ELOVL6: variants seen among roughly 807,000 people sequenced by gnomAD.
The protein encoded by ELOVL6 is very long chain fatty acid elongase 6.
In ELOVL6, 8 loss-of-function variants were observed where a neutral mutation model predicts 31.7. That is an observed-to-expected ratio of 0.25 (90% confidence interval 0.15 to 0.45). The LOEUF is 0.45. Among genes scored for constraint, ELOVL6 ranks in the 20% least tolerant of loss-of-function variants. The pLI, the probability that ELOVL6 is intolerant of heterozygous loss-of-function variation, is 1.00. For missense variants in ELOVL6, 126 were observed against 326.4 expected (o/e 0.39, Z 4.73); for synonymous variants, 101 against 117.7 (o/e 0.86, Z 0.92).
At chr4:110,156,184 T>C (rs1315232854) in intron 1 of ELOVL6, among the ~76,000 whole-genome samples, 1 of 152,146 alleles carries the variant, frequency 6.6e-6, no homozygotes. Flanking sequence ...GCCTGCCACA[T>C]TTAGTAGAAT....
intron 1 of ELOVL6, among the ~76,000 whole-genome samples, chr4:110,196,346 T>A (rs1050414891): frequency 2.0e-5 from 3 of 152,096 alleles, no homozygotes; most frequent in African/African-American, 4.8e-5. Flanking sequence ...CTGGAGGATA[T>A]GACAAACATG....
intron 1 of ELOVL6, among the ~76,000 whole-genome samples, chr4:110,189,699 T>G (rs1249076616): frequency 2.6e-5 from 4 of 151,486 alleles, no homozygotes; most frequent in Non-Finnish European, 5.9e-5. Context: ...CTTGGCGCAG[T>G]GGCTCACACC....
rs146937391 is a variant in ELOVL6 at position 110,101,219 on chromosome 4, T to C, written c.221+4278A>G. Among the ~76,000 whole-genome samples the C allele has an allele frequency of 1.7e-3, 259 of 152,296 alleles. 1 individual carries two copies. The highest frequency in any genetic ancestry group is 6.0e-3 in the African/African-American group (250 of 41,550). Reference sequence around the variant, plus strand: ...CATGCCTGGCTAATTTTTGTAATTTTAGTAGAGACAGAGTTTCACCACGTT... The same window carrying C: ...CATGCCTGGCTAATTTTTGTAATTTCAGTAGAGACAGAGTTTCACCACGTT... On this transcript the variant is annotated intron_variant, in intron 2 of 3. Transcript: ENST00000302274.
chr4:110,083,908 C>T (rs1447235153), intron 2 of ELOVL6, among the ~76,000 whole-genome samples: 3 of 45,106 alleles, frequency 6.7e-5, no homozygotes, highest in Non-Finnish European at 1.1e-4. Context: ...TATATATACA[C>T]ATAGAGAGAG....
chr4:110,136,257 A>C (rs575772220), intron 1 of ELOVL6, among the ~76,000 whole-genome samples: 6 of 152,324 alleles, frequency 3.9e-5, no homozygotes, highest in African/African-American at 7.2e-5. Context: ...GAATAGGCAC[A>C]TAAACATAAT....
intron 1 of ELOVL6, among the ~76,000 whole-genome samples, chr4:110,131,455 C>T (rs1757667014): frequency 6.6e-6 from 1 of 152,078 alleles, no homozygotes; most frequent in Admixed American, 6.6e-5. Context: ...GTAACAAATC[C>T]AAGTTAATAC....
intron 1 of ELOVL6, among the ~76,000 whole-genome samples, chr4:110,108,991 G>A (rs570872980): frequency 6.6e-6 from 1 of 152,182 alleles, no homozygotes; most frequent in African/African-American, 2.4e-5. Flanking sequence ...TTAGAAGAAG[G>A]TAAGATTTTC....
chr4:110,158,202 T>C (rs1758509863), intron 1 of ELOVL6, among the ~76,000 whole-genome samples: 1 of 152,212 alleles, frequency 6.6e-6, no homozygotes, highest in Admixed American at 6.6e-5. Context: ...CTTTATATTA[T>C]GAAAAGTTCA....
At chr4:110,155,079 T>C (rs1758376772) in intron 1 of ELOVL6, among the ~76,000 whole-genome samples, 2 of 152,194 alleles carry the variant, frequency 1.3e-5, no homozygotes, top group Non-Finnish European at 2.9e-5. Flanking sequence ...TATACTGCTA[T>C]TATATACTAA....
intron 2 of ELOVL6, among the ~76,000 whole-genome samples, chr4:110,082,005 A>C (rs1409858550): frequency 6.6e-6 from 1 of 150,656 alleles, no homozygotes; most frequent in African/African-American, 2.4e-5. Context: ...GCTCATCATC[A>C]CTGGCCATCA....
chr4:110,083,241 A>T (rs1755936450), intron 2 of ELOVL6, among the ~76,000 whole-genome samples: 2 of 151,762 alleles, frequency 1.3e-5, no homozygotes, highest in Admixed American at 1.3e-4. Context: ...GCCACAGGAT[A>T]ACAAAACCAG....
intron 2 of ELOVL6, among the ~76,000 whole-genome samples, chr4:110,060,873 T>G (rs1210694279): frequency 6.6e-6 from 1 of 152,184 alleles, no homozygotes; most frequent in Non-Finnish European, 1.5e-5. Context: ...GGCACTGTTT[T>G]TTACTTAAAA....
intron 2 of ELOVL6, among the ~76,000 whole-genome samples, chr4:110,105,158 TTA>T (rs1295225917): frequency 6.6e-6 from 1 of 152,170 alleles, no homozygotes; most frequent in Non-Finnish European, 1.5e-5. Flanking sequence ...CTTCAACAGG[TTA>T]CTTGTGTGCC....
intron 2 of ELOVL6, among the ~76,000 whole-genome samples, chr4:110,072,725 G>T (rs566479117): frequency 6.6e-6 from 1 of 152,264 alleles, no homozygotes; most frequent in South Asian, 2.1e-4. Context: ...AGCAGCTCTT[G>T]AAGTCTCCAA....
intron 1 of ELOVL6, among the ~76,000 whole-genome samples, chr4:110,196,762 A>C (rs1381202834): frequency 2.0e-5 from 3 of 151,838 alleles, no homozygotes; most frequent in Non-Finnish European, 4.4e-5. Flanking sequence ...GCTCACCCCA[A>C]GCAGGCCTGC....
chr4:110,060,311 A>G (rs1201229354), intron 2 of ELOVL6, among the ~76,000 whole-genome samples: 1 of 152,088 alleles, frequency 6.6e-6, no homozygotes, highest in East Asian at 1.9e-4. Flanking sequence ...TTTCTCAGAG[A>G]TGTCAGAATG....
chr4:110,150,396 A>G (rs770585845), intron 1 of ELOVL6, among the ~76,000 whole-genome samples: 2 of 152,212 alleles, frequency 1.3e-5, no homozygotes, highest in Non-Finnish European at 2.9e-5. Context: ...ATGTGTTTGA[A>G]ATAGTTCTCA....
intron 1 of ELOVL6, among the ~76,000 whole-genome samples, chr4:110,166,657 G>A (rs1419876930): frequency 2.0e-5 from 3 of 152,180 alleles, no homozygotes; most frequent in East Asian, 1.9e-4. Context: ...CTTGCTGCCA[G>A]AAGGCAATGA....
chr4:110,112,698 C>T (rs1184332632), intron 1 of ELOVL6, among the ~76,000 whole-genome samples: 5 of 151,446 alleles, frequency 3.3e-5, no homozygotes, highest in Admixed American at 3.3e-4. Flanking sequence ...CATGGTGAAA[C>T]CCCCTCTCTA....
Sources: allele counts gnomAD v4.1 joint callset (sites outside exome capture counted in the v4.1 genomes callset), GRCh38; gene constraint gnomAD v4.1.1; transcripts MANE v1.5; gene names NCBI Gene and HGNC (gene_info 2026-07-23, HGNC 2026-07-21).